IGF2R: variants seen among roughly 807,000 people sequenced by gnomAD.
The protein encoded by IGF2R is cation-independent mannose-6-phosphate receptor.
A neutral mutation model predicts 270.6 loss-of-function variants in IGF2R; 91 were observed. That is an observed-to-expected ratio of 0.34 (90% CI 0.28 to 0.40). The LOEUF (loss-of-function observed/expected upper bound fraction) is 0.40, where lower values mean the gene tolerates loss of function less well. Ranked by LOEUF, IGF2R falls within the 10% of genes least tolerant of loss-of-function variation. The pLI is 1.00. For missense variants in IGF2R, 2,805 were observed against 3,188.3 expected, an observed-to-expected ratio of 0.88 and a Z score of 2.90; for synonymous variants, 1,316 against 1,258.9, an observed-to-expected ratio of 1.05 and a Z score of -0.96.
In IGF2R at chr6:160,050,524, G is replaced by C. The variant is rs8191819; in HGVS notation, c.2566G>C (p.Gly856Arg). 4.3e-6 allele frequency: 7 copies of C among 1,613,934 alleles called. No individual in the cohort carries two copies. The African/African-American group carries it at 9.3e-5, about 22-fold the overall frequency. Reference sequence around the variant, plus strand: ...CAGTAACTTGGGAATGGCAAAGACCGGCCCGGTGGTTGAGGACAGCGGCAG... The same window carrying C: ...CAGTAACTTGGGAATGGCAAAGACCCGCCCGGTGGTTGAGGACAGCGGCAG... ...SISNLGMAKT[G>R]PVVEDSGSLL... The change falls in exon 19 of 48, where the codon GGC (glycine) becomes CGC (arginine). Residue 856 changes from glycine (G) to arginine (R), a missense_variant. By Grantham distance (125) the Gly-to-Arg change is moderately radical. This residue lies in a region of IGF2R where 1,851 missense variants were observed against 2,207.2 expected (regional missense o/e 0.84). Transcript: ENST00000356956. This position sits in a 1 kb window ranked among gnomAD's most constrained non-coding sequence, Gnocchi z 4.0.
intron 1 of IGF2R, among the ~76,000 whole-genome samples, chr6:159,974,789 C>T (rs1159748591): frequency 6.6e-6 from 1 of 152,156 alleles, no homozygotes; most frequent in African/African-American, 2.4e-5. Context: ...GGCAAAATCA[C>T]ATCCAATTGA....
chr6:160,012,776 T>A (rs1457741085), intron 4 of IGF2R, among the ~76,000 whole-genome samples: 23 of 140,456 alleles, frequency 1.6e-4, no homozygotes, highest in Non-Finnish European at 2.8e-4. Flanking sequence ...TTTTTTTTTT[T>A]TTGTTTGTTT....
At chr6:159,977,168 A>G (rs1460150882) in intron 1 of IGF2R, among the ~76,000 whole-genome samples, 1 of 152,170 alleles carries the variant, frequency 6.6e-6, no homozygotes, top group Admixed American at 6.5e-5. Flanking sequence ...CAACCCTCTG[A>G]AGATCTCTCT....
chr6:159,978,505 T>A (rs1466799131), intron 1 of IGF2R, among the ~76,000 whole-genome samples: 3 of 152,066 alleles, frequency 2.0e-5, no homozygotes, highest in Non-Finnish European at 2.9e-5. Context: ...CTTCTGCACA[T>A]GGTCAAGGGG....
At chr6:160,056,818 G>A (rs1778326950) in intron 20 of IGF2R, among the ~76,000 whole-genome samples, 1 of 152,012 alleles carries the variant, frequency 6.6e-6, no homozygotes, top group Admixed American at 6.6e-5. Flanking sequence ...GTGGGCTCTG[G>A]GGCTTCTGCA....
chr6:159,969,663 G>A (rs1783578205), intron 1 of IGF2R, among the ~76,000 whole-genome samples: 1 of 152,176 alleles, frequency 6.6e-6, no homozygotes, highest in Non-Finnish European at 1.5e-5. Context: ...CGCTGAGTCG[G>A]GGGTGGCTTT....
At position 160,106,596 on chromosome 6, in the gene IGF2R, G is replaced by A. The variant is rs917546462; in HGVS notation, c.*1512G>A. 3 of 152,050 alleles carry A rather than the reference G, an allele frequency of 2.0e-5. No individual in the cohort carries two copies. Among genetic ancestry groups the A allele is most frequent in the East Asian group, 1.9e-4 (1 of 5,198 alleles). 9.4% of individuals were successfully genotyped at this position (152,050 alleles called of 1,614,324 possible). A position where few individuals can be genotyped will look rare whatever the true frequency, so the allele number is the denominator to read the frequency against. On this transcript the variant is annotated 3_prime_UTR_variant, in exon 48 of 48. Transcript: ENST00000356956. ...CCTTGATAGTGAGACGTTCCCGAGC[G>A]AGTTACCCATCTGCCTGCCTGTCTT...
intron 13 of IGF2R, 21 bp downstream of exon 13, chr6:160,044,678 G>A: frequency 1.3e-6 from 2 of 1,587,476 alleles, no homozygotes; most frequent in Admixed American, 3.7e-5. Context: ...TAAAAAAGAT[G>A]AAATCTTTTC....
At chr6:159,996,008 T>TC (rs1784048365) in intron 2 of IGF2R, among the ~76,000 whole-genome samples, 1 of 151,870 alleles carries the variant, frequency 6.6e-6, no homozygotes, top group Admixed American at 6.6e-5. Flanking sequence ...TTTTTTTTTT[T>TC]CCCTTGAGAA....
At chr6:160,012,442 G>A (rs1562342926) in intron 4 of IGF2R, among the ~76,000 whole-genome samples, 1 of 152,140 alleles carries the variant, frequency 6.6e-6, no homozygotes, top group Non-Finnish European at 1.5e-5. Flanking sequence ...TGCATCTGGA[G>A]AAGCCTCAGG....
At chr6:159,988,253 C>T (rs779045053) in intron 1 of IGF2R, among the ~76,000 whole-genome samples, 36 of 152,024 alleles carry the variant, frequency 2.4e-4, no homozygotes, top group Non-Finnish European at 4.0e-4. Flanking sequence ...CGGTGGCTCA[C>T]GCCTGTAATC....
chr6:160,075,918 C>T lies in IGF2R; in HGVS notation c.5238C>T (p.Ser1746=). 1 of 1,613,996 alleles carries T rather than the reference C, an allele frequency of 6.2e-7. No homozygotes were observed. Among genetic ancestry groups the T allele is most frequent in the Non-Finnish European group, 8.5e-7 (1 of 1,179,830 alleles). The change falls in exon 36 of 48, where the codon AGC becomes AGT. Residue 1746 remains serine (S), a synonymous_variant. Transcript: ENST00000356956. ...ATGAGATTTACTTGAATTTTGAAAG[C>T]AGTACTCCTTGCTTAGCGGACAAGC... ...IANEIYLNFE[S]STPCLADKHF... is the part of the protein sequence containing the mutation.
chr6:160,068,369 C>T lies in IGF2R; in HGVS notation c.4236C>T (p.Ala1412=), dbSNP rs200273287. ...TCATCAATGTCTGCAAGTCTCTGGC[C>T]CCGCAGGCTGGCACTGGTGAGAGAG... ...HYLINVCKSL[A]PQAGTEPCPP... Residue 1412 remains alanine, a synonymous_variant, in exon 30 of 48, where the codon GCC becomes GCT. Transcript: ENST00000356956. 8.1e-6 allele frequency: 13 copies of T among 1,614,096 alleles called. No homozygotes were observed. The African/African-American group carries it at 1.6e-4, about 20-fold the overall frequency.
intron 37 of IGF2R, among the ~76,000 whole-genome samples, chr6:160,078,741 T>A (rs1292967778): frequency 6.6e-6 from 1 of 152,096 alleles, no homozygotes; most frequent in Non-Finnish European, 1.5e-5. Context: ...TCTACAGGGA[T>A]TTAATTCCTC....
rs8191713 is a variant in IGF2R at position 160,004,666 on chromosome 6, G to A, written c.290-4344G>A. On this transcript the variant is annotated intron_variant, in intron 2 of 47. Coordinates refer to ENST00000356956, the MANE Select transcript of IGF2R (RefSeq NM_000876.4). The surrounding 1 kb of genome is among the most constrained non-coding windows in gnomAD (Gnocchi z 5.2). ...TGCGGCCCCGGGGGTGTGGCCAAGT[G>A]TGGTGTGTGGAGGGCCCTTGTGTGC... is the stretch of plus-strand genomic sequence containing the variant. 2,423 of 154,126 alleles carry A rather than the reference G, an allele frequency of 0.016. 28 individuals carry two copies. The highest frequency in any genetic ancestry group is 0.023 in the Non-Finnish European group (1,611 of 69,434). 9.5% of individuals were successfully genotyped at this position (154,126 alleles called of 1,614,324 possible).
intron 6 of IGF2R, among the ~76,000 whole-genome samples, chr6:160,027,944 T>A (rs1339386066): frequency 2.6e-5 from 4 of 152,174 alleles, no homozygotes; most frequent in Non-Finnish European, 5.9e-5. Flanking sequence ...CTGGAGCTCG[T>A]GGCATGTCTG....
Position 160,059,037 on chromosome 6 carries a change from C to T in IGF2R, c.3030C>T (p.Ser1010=). The T allele has an allele frequency of 1.2e-6, 2 of 1,614,242 alleles. No homozygotes were observed. Among genetic ancestry groups the T allele is most frequent in the South Asian group, 1.1e-5 (1 of 91,088 alleles). The change falls in exon 22 of 48, where the codon AGC becomes AGT. Residue 1010 remains serine, a synonymous_variant. Transcript: ENST00000356956. ...CAAGGCCAGTCGGAATTGAGAAAAG[C>T]CTCCAGCTGTCCACAGAGGGCTTCA... ...KPARPVGIEK[S]LQLSTEGFIT...
chr6:160,079,488 G>A, intron 37 of IGF2R, 92 bp from the exon 38 acceptor site: 1 of 874,884 alleles, frequency 1.1e-6, no homozygotes, highest in Non-Finnish European at 1.6e-6. Flanking sequence ...TCATGAACCT[G>A]CCTCCAGCAT....
At chr6:160,096,798 G>A (rs953697891) in intron 45 of IGF2R, among the ~76,000 whole-genome samples, 173 bp downstream of exon 45, 1 of 152,198 alleles carries the variant, frequency 6.6e-6, no homozygotes, top group Non-Finnish European at 1.5e-5. Context: ...TCCGTTGCTT[G>A]TCAGCATCCT....
Sources: gnomAD v4.1 joint callset for allele counts (sites outside exome capture counted in the v4.1 genomes callset) on GRCh38, gnomAD v4.1.1 for gene constraint, gnomAD v4.1.1 regional missense constraint, Gnocchi (gnomAD v3.1) non-coding constraint, MANE v1.5 for transcripts, NCBI Gene and HGNC (gene_info 2026-07-23, HGNC 2026-07-21) for gene names.